Variants in CAVIN1 observed in about 807,000 individuals in gnomAD.
CAVIN1 encodes the protein caveolae-associated protein 1.
CAVIN1 carries 16 observed loss-of-function variants against 24.0 expected under a neutral mutation model. That is an observed-to-expected ratio of 0.67 (90% confidence interval 0.45 to 1.01). The LOEUF is 1.01. CAVIN1 is among the 50% of genes least tolerant of loss of function. The pLI, the probability that CAVIN1 is intolerant of heterozygous loss-of-function variation, is 0.00. For synonymous variants in CAVIN1, 256 were observed against 256.4 expected, an observed-to-expected ratio of 1.00 and a Z score of 0.02; for missense variants, 510 against 551.7, an observed-to-expected ratio of 0.92 and a Z score of 0.76.
intron 1 of CAVIN1, among the ~76,000 whole-genome samples, chr17:42,406,392 T>TTGAGATG (rs2085447002): frequency 6.6e-6 from 1 of 151,582 alleles, no homozygotes; most frequent in Non-Finnish European, 1.5e-5. Flanking sequence ...TTTTTTTTTT[T>TTGAGATG]GAGATGGAGT....
At chr17:42,406,523 C>G (rs1337005665) in intron 1 of CAVIN1, among the ~76,000 whole-genome samples, 2 of 152,074 alleles carry the variant, frequency 1.3e-5, no homozygotes, top group African/African-American at 4.8e-5. Flanking sequence ...TGCAGGCATG[C>G]GCCACCACAC....
Position 42,405,014 on chromosome 17 carries a change from C to T in CAVIN1, c.846G>A (p.Val282=), listed in dbSNP as rs201580581. The T allele has an allele frequency of 6.2e-6, 10 of 1,614,166 alleles. No individual in the cohort carries two copies. The East Asian group carries it at 1.3e-4, about 22-fold the overall frequency. ...KRMNKLGTRL[V]PAERREKLKT... is the part of the protein sequence containing the mutation. ...TCAGTTTCTCGCGCCGCTCGGCGGGCACCAGGCGCGTGCCCAGCTTGTTCA... is the reference window on the plus strand; with the variant it reads ...TCAGTTTCTCGCGCCGCTCGGCGGGTACCAGGCGCGTGCCCAGCTTGTTCA... The change falls in exon 2 of 2, where the codon GTG becomes GTA. Residue 282 remains valine (V), a synonymous_variant. Coordinates refer to ENST00000357037, the MANE Select transcript of CAVIN1 (RefSeq NM_012232.6).
In CAVIN1 at chr17:42,404,633, G is replaced by A; in HGVS notation, c.*54C>T. 8.1e-7 allele frequency: 1 copy of A among 1,231,578 alleles called. No homozygotes were observed. The allele number at this position is 1,231,578 out of a possible 1,614,324, so 76.3% of individuals were successfully genotyped here. A position where few individuals can be genotyped will look rare whatever the true frequency, so the allele number is the denominator to read the frequency against. On this transcript the variant is annotated 3_prime_UTR_variant, in exon 2 of 2. Coordinates refer to ENST00000357037, the MANE Select transcript of CAVIN1 (RefSeq NM_012232.6). ...GCCAGCTCGAGCCGAGAGAGAATGCGAAAGAGGAAGTTCGGAAGGAGCGAG... is the reference window on the plus strand; with the variant it reads ...GCCAGCTCGAGCCGAGAGAGAATGCAAAAGAGGAAGTTCGGAAGGAGCGAG...
Position 42,404,446 on chromosome 17 carries a change from AG to A in CAVIN1, c.*240del. On this transcript the variant is annotated 3_prime_UTR_variant, in exon 2 of 2. Transcript: ENST00000357037. ...AGATCCCGACTTGGACAACCAGGAC[AG>A]GGATTGACCATTCCCTTCCCATTCC... 1 of 384,366 alleles carries A rather than the reference AG, an allele frequency of 2.6e-6. No homozygotes were observed. Among genetic ancestry groups the A allele is most frequent in the Non-Finnish European group, 4.6e-6 (1 of 215,178 alleles). The allele number at this position is 384,366 out of a possible 1,614,324, so 23.8% of individuals were successfully genotyped here. A position where few individuals can be genotyped will look rare whatever the true frequency, so the allele number is the denominator to read the frequency against.
Position 42,422,800 on chromosome 17 carries a change from G to C in CAVIN1, c.298C>G (p.His100Asp). Residue 100 changes from histidine to aspartate, a missense_variant, in exon 1 of 2, where the codon CAC becomes GAC. By Grantham distance (81) the His-to-Asp change is moderately conservative. Transcript: ENST00000357037. ...QGELSKLGKAHATTSNTVSKL... is the reference protein window; with the variant it reads ...QGELSKLGKADATTSNTVSKL... The stretch of plus-strand genomic sequence containing the variant: ...CTCACCGTATTGCTCGTGGTGGCGT[G>C]CGCCTTGCCCAGCTTGCTCAGCTCG... 6.2e-7 allele frequency: 1 copy of C among 1,613,778 alleles called. No individual in the cohort carries two copies. The highest frequency in any genetic ancestry group is 8.5e-7 in the Non-Finnish European group (1 of 1,179,912).
Position 42,402,630 on chromosome 17 carries a change from AGAG to A in CAVIN1, c.*2054_*2056del, listed in dbSNP as rs2085418387. ...TCGGCAGAGGGGTCTTCAGCCATTC[AGAG>A]GAGAGAAGAGAACCGAGAAAGGGAA... On this transcript the variant is annotated 3_prime_UTR_variant, in exon 2 of 2. Coordinates refer to ENST00000357037, the MANE Select transcript of CAVIN1 (RefSeq NM_012232.6). The A allele has an allele frequency of 2.6e-5, 4 of 151,822 alleles. No homozygotes were observed. In the Admixed American group the frequency reaches 2.6e-4, roughly 10 times the overall value. The allele number at this position is 151,822 out of a possible 1,614,324, so 9.4% of individuals were successfully genotyped here.
intron 1 of CAVIN1, among the ~76,000 whole-genome samples, chr17:42,415,516 C>T (rs1047292902): frequency 1.3e-5 from 2 of 151,780 alleles, no homozygotes; most frequent in Non-Finnish European, 2.9e-5. Flanking sequence ...AATTGGAGAC[C>T]CTGGGCAATG....
intron 1 of CAVIN1, chr17:42,412,350 A>G (rs894743762): frequency 1.8e-5 from 14 of 759,240 alleles, no homozygotes; most frequent in Non-Finnish European, 2.2e-5. Flanking sequence ...GCTGGTGAGT[A>G]GGGAGGGGAG....
rs2085559084 is a variant in CAVIN1, at chr17:42,422,630, G to A, written c.468C>T (p.Tyr156=). The change falls in exon 1 of 2, where the codon TAC becomes TAT. Residue 156 remains tyrosine, a synonymous_variant. Transcript: ENST00000357037. ...LRRRNFKVMI[Y]QDEVKLPAKL... ...GCCTTCCGCCCTGTGGGCTCACCTG[G>A]TAGATCATGACTTTAAAGTTGCGGC... 1.9e-6 allele frequency: 3 copies of A among 1,573,488 alleles called. No homozygotes were observed. The highest frequency in any genetic ancestry group is 2.6e-6 in the Non-Finnish European group (3 of 1,159,726).
intron 1 of CAVIN1, among the ~76,000 whole-genome samples, chr17:42,419,780 GTT>G (rs1221000731): frequency 6.6e-6 from 1 of 152,108 alleles, no homozygotes; most frequent in Non-Finnish European, 1.5e-5. Flanking sequence ...GCTAGGTTTT[GTT>G]TGGGAGACAG....
Position 42,419,148 on chromosome 17 carries a change from G to A in CAVIN1, c.471+3479C>T, listed in dbSNP as rs530699038. Among the ~76,000 whole-genome samples the A allele has an allele frequency of 1.4e-4, 21 of 152,198 alleles. No individual in the cohort carries two copies. In the South Asian group the frequency reaches 3.3e-3, roughly 24 times the overall value. Reference sequence around the variant, plus strand: ...AGAGTTCGAGACTGCAGTAAGATATGACTGTGTCACTGCACTCCAGCTTGA... The same window carrying A: ...AGAGTTCGAGACTGCAGTAAGATATAACTGTGTCACTGCACTCCAGCTTGA... On this transcript the variant is annotated intron_variant, in intron 1 of 1. Transcript: ENST00000357037.
chr17:42,418,403 G>A (rs151285077), intron 1 of CAVIN1, among the ~76,000 whole-genome samples: 12,440 of 151,850 alleles, frequency 0.082, 603 homozygotes, highest in East Asian at 0.25. Context: ...GGCTAATTTT[G>A]TATTTTTAGT....
At chr17:42,416,243 C>T (rs2085510765) in intron 1 of CAVIN1, among the ~76,000 whole-genome samples, 1 of 152,082 alleles carries the variant, frequency 6.6e-6, no homozygotes, top group South Asian at 2.1e-4. Flanking sequence ...TGGCACATGC[C>T]TGTAATCCCA....
chr17:42,405,773 C>T (rs1324616678), intron 1 of CAVIN1, among the ~76,000 whole-genome samples: 1 of 150,990 alleles, frequency 6.6e-6, no homozygotes, highest in Non-Finnish European at 1.5e-5. Context: ...CCGCAACCTC[C>T]GCCACCCGGG....
At chr17:42,417,350 G>A (rs1022470275) in intron 1 of CAVIN1, among the ~76,000 whole-genome samples, 4 of 151,646 alleles carry the variant, frequency 2.6e-5, no homozygotes, top group South Asian at 2.1e-4. Flanking sequence ...CCAGCTACTC[G>A]GAAGGCTGAA....
rs1392190610 is a variant in CAVIN1 at position 42,405,160 on chromosome 17, T to C, written c.700A>G (p.Lys234Glu). The C allele has an allele frequency of 6.2e-7, 1 of 1,613,342 alleles. No individual in the cohort carries two copies. Among genetic ancestry groups the C allele is most frequent in the African/African-American group, 1.3e-5 (1 of 74,712 alleles). The part of the protein sequence containing the change: ...SGLRRVDDFK[K>E]AFSKEKMEKT... Reference sequence around the variant, plus strand: ...TCCATCTTCTCCTTGGAGAAGGCCTTCTTGAAGTCGTCCACGCGCCGCAGG... The same window carrying C: ...TCCATCTTCTCCTTGGAGAAGGCCTCCTTGAAGTCGTCCACGCGCCGCAGG... The change falls in exon 2 of 2, where the codon AAG becomes GAG. Residue 234 changes from lysine (K) to glutamate (E), a missense_variant. Lys to Glu is a moderately conservative substitution (Grantham distance 56). Coordinates refer to ENST00000357037, the MANE Select transcript of CAVIN1 (RefSeq NM_012232.6).
At chr17:42,419,882 C>CCTGTGTGT (rs1555588366) in intron 1 of CAVIN1, among the ~76,000 whole-genome samples, 1 of 143,658 alleles carries the variant, frequency 7.0e-6, no homozygotes, top group African/African-American at 2.6e-5. Flanking sequence ...TGCTGAATTT[C>CCTGTGTGT]GTGTGTGTGT....
intron 1 of CAVIN1, among the ~76,000 whole-genome samples, chr17:42,422,188 G>A (rs1279412851): frequency 6.6e-6 from 1 of 152,178 alleles, no homozygotes; most frequent in East Asian, 1.9e-4. Flanking sequence ...CCCGGGCCCC[G>A]CAGCCAGTGT....
chr17:42,417,923 G>A (rs2085521569), intron 1 of CAVIN1, among the ~76,000 whole-genome samples: 1 of 152,096 alleles, frequency 6.6e-6, no homozygotes, highest in Non-Finnish European at 1.5e-5. Context: ...GCCTCCCAAA[G>A]TGCTGGGATT....
Sources: allele counts gnomAD v4.1 joint callset (sites outside exome capture counted in the v4.1 genomes callset), GRCh38; gene constraint gnomAD v4.1.1; transcripts MANE v1.5; gene names NCBI Gene and HGNC (gene_info 2026-07-23, HGNC 2026-07-21).